PTPRD: variants seen among roughly 807,000 people sequenced by gnomAD.
PTPRD encodes the protein receptor-type tyrosine-protein phosphatase delta.
A neutral mutation model predicts 214.5 loss-of-function variants in PTPRD; 34 were observed. The ratio of observed to expected loss-of-function variants is 0.16; its 90% CI spans 0.12 to 0.21. PTPRD has a LOEUF of 0.21. Ranked by LOEUF, PTPRD falls within the 10% of genes least tolerant of loss-of-function variation. The pLI is 1.00. For synonymous variants in PTPRD, 1,128 were observed against 845.7 expected, an observed-to-expected ratio of 1.33 and a Z score of -5.79; for missense variants, 2,545 against 2,398.7, an observed-to-expected ratio of 1.06 and a Z score of -1.27.
intron 3 of PTPRD, among the ~76,000 whole-genome samples, chr9:10,056,939 T>G: frequency 6.6e-6 from 1 of 152,182 alleles, no homozygotes; most frequent in Non-Finnish European, 1.5e-5. Context: ...TTTGGGATTG[T>G]TATTTTTGGT....
chr9:8,516,463 T>C (rs1026674831), intron 21 of PTPRD, among the ~76,000 whole-genome samples: 4 of 152,170 alleles, frequency 2.6e-5, no homozygotes, highest in African/African-American at 9.7e-5. Context: ...TTAATATAAA[T>C]GTGCTCTGAG....
chr9:8,658,271 T>C (rs1298787034), intron 12 of PTPRD, among the ~76,000 whole-genome samples: 3 of 152,176 alleles, frequency 2.0e-5, no homozygotes, highest in Non-Finnish European at 4.4e-5. Flanking sequence ...AGTTTATATG[T>C]AAATAGCAAT....
At chr9:9,804,679 A>G (rs1565395811) in intron 5 of PTPRD, among the ~76,000 whole-genome samples, 1 of 152,068 alleles carries the variant, frequency 6.6e-6, no homozygotes, top group Non-Finnish European at 1.5e-5. Context: ...ATGAACATAA[A>G]GGCATTTAAT....
At chr9:9,329,470 T>C (rs1398910561) in intron 9 of PTPRD, among the ~76,000 whole-genome samples, 1 of 152,186 alleles carries the variant, frequency 6.6e-6, no homozygotes, top group Admixed American at 6.5e-5. Context: ...GCATTTTGAA[T>C]GATGAAGTTG....
intron 11 of PTPRD, among the ~76,000 whole-genome samples, chr9:8,935,298 A>T (rs941949407): frequency 3.3e-5 from 5 of 152,202 alleles, no homozygotes; most frequent in African/African-American, 1.2e-4. Flanking sequence ...TTGCATTTCT[A>T]TATACTAGCA....
rs533470149 is a variant in PTPRD, at chr9:9,204,503, G to C, written c.-202-21140C>G. Among the ~76,000 whole-genome samples the C allele has an allele frequency of 2.0e-5, 3 of 152,108 alleles. No homozygotes were observed. In the East Asian group the frequency reaches 5.8e-4, roughly 29 times the overall value. ...AGTTTCCTAGCCTCTAAGCATTACC[G>C]GGTTCTCAACTTTTAAAGGAACACT... On this transcript the variant is annotated intron_variant, in intron 9 of 45. Transcript: ENST00000381196.
At chr9:9,291,228 G>C (rs1050366592) in intron 9 of PTPRD, among the ~76,000 whole-genome samples, 11 of 151,400 alleles carry the variant, frequency 7.3e-5, no homozygotes, top group African/African-American at 1.9e-4. Flanking sequence ...AAGAGTAGTG[G>C]TGATTTTTCA....
chr9:9,237,204 C>A (rs189325442), intron 9 of PTPRD, among the ~76,000 whole-genome samples: 8 of 152,206 alleles, frequency 5.3e-5, no homozygotes, highest in Admixed American at 5.2e-4. Context: ...AATGATAATA[C>A]AATTGGATAG....
At chr9:8,685,645 GAATA>G (rs887894595) in intron 12 of PTPRD, among the ~76,000 whole-genome samples, 6 of 152,124 alleles carry the variant, frequency 3.9e-5, no homozygotes, top group East Asian at 1.9e-4. Flanking sequence ...CAGTGGACTT[GAATA>G]AATAGTGTAC....
chr9:9,298,921 C>A (rs1452345596), intron 9 of PTPRD, among the ~76,000 whole-genome samples: 1 of 151,880 alleles, frequency 6.6e-6, no homozygotes, highest in South Asian at 2.1e-4. Flanking sequence ...TCACAATGAG[C>A]ATGAAATAAA....
chr9:10,417,643 T>G (rs1200019246), intron 2 of PTPRD, among the ~76,000 whole-genome samples: 2 of 151,694 alleles, frequency 1.3e-5, no homozygotes, highest in African/African-American at 4.8e-5. Context: ...TCTGAAGCAT[T>G]TAGTAATGCA....
At chr9:8,940,840 T>TGAA (rs1489053195) in intron 11 of PTPRD, among the ~76,000 whole-genome samples, 1 of 139,186 alleles carries the variant, frequency 7.2e-6, no homozygotes, top group Non-Finnish European at 1.6e-5. Context: ...ATGATGATGA[T>TGAA]GATGATGATG....
Position 10,103,395 on chromosome 9 carries a change from T to TATATATATATAAATGTA in PTPRD, c.-544-69606_-544-69605insTACATTTATATATATAT, listed in dbSNP as rs34926923. ...CTGCATATTATATATATATATATAT[T>TATATATATATAAATGTA]TATTTAAGAGCATTGCAGTAAGAAA... On this transcript the variant is annotated intron_variant, in intron 3 of 45. Coordinates refer to ENST00000381196, the MANE Select transcript of PTPRD (RefSeq NM_002839.4). 2.6e-5 allele frequency among the ~76,000 whole-genome samples: 3 copies of TATATATATATAAATGTA among 116,698 alleles called. No homozygotes were observed. In the Admixed American group the frequency reaches 2.9e-4, roughly 11 times the overall value. 76.6% of individuals were successfully genotyped at this position (116,698 alleles called of 152,430 possible).
chr9:10,509,430 G>A (rs2047188348), intron 2 of PTPRD, among the ~76,000 whole-genome samples: 1 of 149,920 alleles, frequency 6.7e-6, no homozygotes, highest in Non-Finnish European at 1.5e-5. Context: ...CATCCATTAG[G>A]TACTCTTTCA....
Position 10,319,474 on chromosome 9 carries a change from T to C in PTPRD, c.-545+21489A>G, listed in dbSNP as rs190044394. On this transcript the variant is annotated intron_variant, in intron 3 of 45. Transcript: ENST00000381196. Reference sequence around the variant, plus strand: ...CTAGAACCTCATTTTACAAGCTCAATTACCAAACTAATTTTAAAAATCTCT... The same window carrying C: ...CTAGAACCTCATTTTACAAGCTCAACTACCAAACTAATTTTAAAAATCTCT... 2.0e-5 allele frequency among the ~76,000 whole-genome samples: 3 copies of C among 152,200 alleles called. No homozygotes were observed. The East Asian group carries it at 5.8e-4, about 30-fold the overall frequency.
chr9:9,411,952 A>C (rs1293559492), intron 8 of PTPRD, among the ~76,000 whole-genome samples: 2 of 152,230 alleles, frequency 1.3e-5, no homozygotes, highest in Non-Finnish European at 2.9e-5. Context: ...ACAAGTGAAG[A>C]AACTGAGGCC....
At chr9:8,803,962 A>AC (rs775452532) in intron 11 of PTPRD, among the ~76,000 whole-genome samples, 24 of 150,278 alleles carry the variant, frequency 1.6e-4, no homozygotes, top group East Asian at 1.4e-3. Flanking sequence ...TCTTCCCTCC[A>AC]CCCCCCCACA....
At chr9:10,358,189 T>C (rs557165218) in intron 2 of PTPRD, among the ~76,000 whole-genome samples, 7 of 152,168 alleles carry the variant, frequency 4.6e-5, no homozygotes, top group African/African-American at 9.6e-5. Flanking sequence ...AAAAATAGCA[T>C]GGTGAGATAA....
intron 3 of PTPRD, among the ~76,000 whole-genome samples, chr9:10,319,193 T>G (rs1203904865): frequency 6.6e-6 from 1 of 152,110 alleles, no homozygotes; most frequent in Non-Finnish European, 1.5e-5. Flanking sequence ...GTGACTACCT[T>G]AGCTGTAATG....
Sources: gnomAD v4.1 joint callset for allele counts (sites outside exome capture counted in the v4.1 genomes callset) on GRCh38, gnomAD v4.1.1 for gene constraint, MANE v1.5 for transcripts, NCBI Gene and HGNC (gene_info 2026-07-23, HGNC 2026-07-21) for gene names.